PCDHA12: variants seen among roughly 807,000 people sequenced by gnomAD.
PCDHA12 encodes the protein protocadherin alpha-12.
PCDHA12 carries 44 observed loss-of-function variants against 60.0 expected under a neutral mutation model. The observed-to-expected ratio is 0.73, with a 90% CI of 0.58 to 0.94. The LOEUF (loss-of-function observed/expected upper bound fraction) is 0.94, where lower values mean the gene tolerates loss of function less well. Among genes scored for constraint, PCDHA12 ranks in the 40% least tolerant of loss-of-function variants. The pLI is 0.00. For missense variants in PCDHA12, 1,276 were observed against 1,239.7 expected (o/e 1.03, Z -0.44); for synonymous variants, 569 against 553.0 (o/e 1.03, Z -0.40).
chr5:140,953,100 A>G (rs1343351624), intron 1 of PCDHA12, among the ~76,000 whole-genome samples: 1 of 152,162 alleles, frequency 6.6e-6, no homozygotes, highest in Admixed American at 6.5e-5. Flanking sequence ...TTGACATGAG[A>G]TTTGGGCAGG....
intron 1 of PCDHA12, among the ~76,000 whole-genome samples, chr5:140,925,533 A>C (rs1334031760): frequency 1.3e-5 from 2 of 152,062 alleles, no homozygotes; most frequent in Non-Finnish European, 2.9e-5. Flanking sequence ...AAGCGAGGAG[A>C]AATACCTAAT....
chr5:141,009,576 T>C (rs2098411921), intron 3 of PCDHA12, 51 bp from the exon 4 acceptor site: 1 of 1,583,566 alleles, frequency 6.3e-7, no homozygotes. Flanking sequence ...CAGTGTGGCA[T>C]CAAGAGCATG....
chr5:140,926,505 TC>T, intron 1 of PCDHA12: 1 of 190,688 alleles, frequency 5.2e-6, no homozygotes. Flanking sequence ...TCGGGGCGTC[TC>T]CCAGGCTCCG....
intron 1 of PCDHA12, among the ~76,000 whole-genome samples, chr5:140,908,402 T>C (rs2073951162): frequency 6.6e-6 from 1 of 152,166 alleles, no homozygotes; most frequent in Non-Finnish European, 1.5e-5. Flanking sequence ...TATATACCAC[T>C]TCCATTTGAT....
intron 1 of PCDHA12, among the ~76,000 whole-genome samples, chr5:140,970,418 G>A (rs1377182658): frequency 6.6e-6 from 1 of 152,220 alleles, no homozygotes; most frequent in East Asian, 1.9e-4. Flanking sequence ...ACAGTAAGGT[G>A]TAGAGGCAGG....
chr5:140,967,935 A>G (rs186453952), intron 1 of PCDHA12: 13 of 1,614,214 alleles, frequency 8.1e-6, no homozygotes, highest in South Asian at 4.4e-5. Flanking sequence ...CTCAGTGTCA[A>G]TGACCAAGAC....
intron 1 of PCDHA12, among the ~76,000 whole-genome samples, chr5:140,912,343 AT>A (rs35252606): frequency 0.42 from 59,775 of 143,548 alleles, 12,483 homozygotes; most frequent in African/African-American, 0.57. Context: ...TACACTAAGT[AT>A]TTTTTTTTTT....
chr5:140,967,927 C>T (rs782426020), intron 1 of PCDHA12: 3 of 1,614,228 alleles, frequency 1.9e-6, no homozygotes, highest in Non-Finnish European at 2.5e-6. Context: ...TGGCCGTTCT[C>T]AGTGTCAATG....
At chr5:140,883,960 G>C in intron 1 of PCDHA12, 5 of 1,613,090 alleles carry the variant, frequency 3.1e-6, no homozygotes, top group Non-Finnish European at 4.2e-6. Flanking sequence ...ACGCTCCGGC[G>C]CTGCTGACGC....
intron 1 of PCDHA12, among the ~76,000 whole-genome samples, chr5:140,900,019 A>T (rs1164566696): frequency 1.3e-5 from 2 of 151,964 alleles, no homozygotes; most frequent in African/African-American, 4.8e-5. Flanking sequence ...TTTGTTACCC[A>T]GTTTGGCCTT....
intron 3 of PCDHA12, among the ~76,000 whole-genome samples, chr5:141,000,361 G>GTCTCTCTCTC (rs148596731): frequency 1.1e-4 from 3 of 26,446 alleles, no homozygotes; most frequent in East Asian, 1.6e-3. Context: ...GTCTCTCTCT[G>GTCTCTCTCTC]TCTCTCTCTC....
intron 3 of PCDHA12, among the ~76,000 whole-genome samples, chr5:140,986,890 G>A (rs965456573): frequency 6.6e-6 from 1 of 152,124 alleles, no homozygotes; most frequent in Non-Finnish European, 1.5e-5. Flanking sequence ...CAAATTCTTA[G>A]GCCCTATCCT....
chr5:140,927,901 G>A lies in PCDHA12; in HGVS notation c.2367+50062G>A, dbSNP rs370478984. On this transcript the variant is annotated intron_variant, in intron 1 of 3. Transcript: ENST00000398631. ...GGAGGTGACTGACGTGAACGATCAT[G>A]CCCCCGAACTGGACTTCCTGACTCT... The A allele has an allele frequency of 6.2e-6, 10 of 1,614,084 alleles. No individual in the cohort carries two copies. Among genetic ancestry groups the A allele is most frequent in the Non-Finnish European group, 8.5e-6 (10 of 1,180,046 alleles).
At chr5:140,913,299 T>A (rs2076283233) in intron 1 of PCDHA12, among the ~76,000 whole-genome samples, 1 of 152,196 alleles carries the variant, frequency 6.6e-6, no homozygotes, top group South Asian at 2.1e-4. Context: ...AATTTCTTCA[T>A]AGATCAACCT....
intron 1 of PCDHA12, chr5:140,883,849 G>A (rs2059850853): frequency 1.2e-6 from 2 of 1,612,940 alleles, no homozygotes; most frequent in East Asian, 2.2e-5. Context: ...ACCACGAGGA[G>A]CTGGAGCTGT....
intron 1 of PCDHA12, among the ~76,000 whole-genome samples, chr5:140,921,833 T>C (rs1228666561): frequency 1.3e-5 from 2 of 152,094 alleles, no homozygotes; most frequent in Admixed American, 6.6e-5. Flanking sequence ...TATACACATA[T>C]AGACATATTT....
intron 1 of PCDHA12, among the ~76,000 whole-genome samples, chr5:140,923,036 T>C (rs868918813): frequency 1.3e-5 from 2 of 152,196 alleles, no homozygotes; most frequent in Non-Finnish European, 2.9e-5. Context: ...TATTACTACA[T>C]GTATAGTATT....
chr5:140,884,125 C>T (rs1554181246), intron 1 of PCDHA12: 1 of 1,613,416 alleles, frequency 6.2e-7, no homozygotes, highest in Admixed American at 1.7e-5. Context: ...TCGGCGCGCG[C>T]ATCCCGTTCC....
chr5:140,973,639 T>C (rs1563426866), intron 1 of PCDHA12, among the ~76,000 whole-genome samples: 2 of 152,362 alleles, frequency 1.3e-5, no homozygotes, highest in East Asian at 3.9e-4. Context: ...GTACACATTC[T>C]GACTGAAGAA....
Sources: allele counts gnomAD v4.1 joint callset (sites outside exome capture counted in the v4.1 genomes callset), GRCh38; gene constraint gnomAD v4.1.1; transcripts MANE v1.5; gene names NCBI Gene and HGNC (gene_info 2026-07-23, HGNC 2026-07-21).